The following SLC66A2 variants were observed in gnomAD, a reference collection of about 807,000 sequenced individuals.
The protein encoded by SLC66A2 is PQ loop repeat containing 1.
In SLC66A2, 23 loss-of-function variants were observed where a neutral mutation model predicts 25.5. The observed-to-expected ratio is 0.90, with a 90% CI of 0.65 to 1.28. The LOEUF (loss-of-function observed/expected upper bound fraction) is 1.28. Among genes scored for constraint, SLC66A2 ranks in the 50% most tolerant of loss-of-function variants. SLC66A2 has a pLI of 0.00. For synonymous variants in SLC66A2, 193 were observed against 166.5 expected (o/e 1.16, Z -1.23); for missense variants, 396 against 373.1 (o/e 1.06, Z -0.51).
At chr18:79,924,680 G>C (rs1184134687) in intron 4 of SLC66A2, among the ~76,000 whole-genome samples, 1 of 152,136 alleles carries the variant, frequency 6.6e-6, no homozygotes, top group Non-Finnish European at 1.5e-5. Context: ...TATGTGACTT[G>C]TCTTATACCA....
intron 4 of SLC66A2, among the ~76,000 whole-genome samples, chr18:79,928,935 T>G (rs926881025): frequency 6.6e-6 from 1 of 152,140 alleles, no homozygotes; most frequent in African/African-American, 2.4e-5. Context: ...TCACTTCCCA[T>G]GCAGCACTCA....
intron 2 of SLC66A2, among the ~76,000 whole-genome samples, chr18:79,950,385 A>T (rs2051077130): frequency 6.6e-6 from 1 of 152,048 alleles, no homozygotes; most frequent in African/African-American, 2.4e-5. Context: ...ACTATACAAC[A>T]TGAAAAAGGA....
intron 2 of SLC66A2, chr18:79,949,906 A>T (rs1293230134): frequency 1.3e-5 from 2 of 152,240 alleles, no homozygotes; most frequent in African/African-American, 4.8e-5. Context: ...GTGAGACCTC[A>T]TTTCCTCTGA....
In SLC66A2 at chr18:79,917,548, T is replaced by G. The variant is rs1014235112; in HGVS notation, c.608+1636A>C. Among the ~76,000 whole-genome samples the G allele has an allele frequency of 2.6e-5, 4 of 152,126 alleles. No individual in the cohort carries two copies. The highest frequency in any genetic ancestry group is 9.6e-5 in the African/African-American group (4 of 41,500). ...ACAGGATCTCCAGCTGTGGGGTGGC[T>G]GGGGACGCCACACTCCGCCGGACAA... On this transcript the variant is annotated intron_variant, in intron 5 of 5. Coordinates refer to ENST00000397778, the MANE Select transcript of SLC66A2 (RefSeq NM_025078.5). This position sits in a 1 kb window ranked among gnomAD's most constrained non-coding sequence, Gnocchi z 6.0.
chr18:79,924,288 G>A (rs12960918), intron 4 of SLC66A2, among the ~76,000 whole-genome samples: 3,367 of 152,240 alleles, frequency 0.022, 43 homozygotes, highest in African/African-American at 0.035. Flanking sequence ...GCAACAACAC[G>A]GATGGACCTT....
chr18:79,932,476 A>AAAGG (rs900967915), intron 4 of SLC66A2, among the ~76,000 whole-genome samples: 1 of 110,184 alleles, frequency 9.1e-6, no homozygotes, highest in Non-Finnish European at 1.9e-5. Context: ...TGTGTTAAAA[A>AAAGG]AAGAAAGAAA....
intron 2 of SLC66A2, among the ~76,000 whole-genome samples, chr18:79,949,057 C>G (rs762120521): frequency 1.3e-5 from 2 of 152,166 alleles, no homozygotes; most frequent in African/African-American, 2.4e-5. Context: ...AGAGACAAAC[C>G]TCGAGACGGG....
At position 79,949,833 on chromosome 18, in the gene SLC66A2, G is replaced by C. The variant is rs1489274709; in HGVS notation, c.203+891C>G. ...AGACACCTTCCAATCTGCCCGGACA[G>C]AGAGGCTGGGATCACCCAGAAGAAA... On this transcript the variant is annotated intron_variant, in intron 2 of 5. Coordinates refer to ENST00000397778, the MANE Select transcript of SLC66A2 (RefSeq NM_025078.5). 2.6e-5 allele frequency: 4 copies of C among 152,348 alleles called. No homozygotes were observed. The East Asian group carries it at 7.7e-4, about 29-fold the overall frequency. 9.4% of individuals were successfully genotyped at this position (152,348 alleles called of 1,614,324 possible).
At chr18:79,919,101 A>T (rs1466959926) in intron 5 of SLC66A2, 83 bp downstream of exon 5, 6 of 1,233,914 alleles carry the variant, frequency 4.9e-6, no homozygotes, top group Non-Finnish European at 7.0e-6. Context: ...AGCCAGACAC[A>T]CAGGCGTTTG....
At chr18:79,916,186 A>ACCCGCAGTGCTCCCGTACCCTCCCT (rs1984084437) in intron 5 of SLC66A2, among the ~76,000 whole-genome samples, 1 of 36,052 alleles carries the variant, frequency 2.8e-5, no homozygotes, top group African/African-American at 6.7e-5. Flanking sequence ...GTACCCTCCC[A>ACCCGCAGTGCTCCCGTACCCTCCCT]TACCCACGGT....
chr18:79,912,051 CAGT>C (rs537924387), intron 5 of SLC66A2, among the ~76,000 whole-genome samples: 2 of 100,320 alleles, frequency 2.0e-5, no homozygotes, highest in South Asian at 3.5e-4. Context: ...GGGAGGGGAA[CAGT>C]AGCAGGAGGG....
At chr18:79,938,252 T>C (rs953753800) in intron 3 of SLC66A2, among the ~76,000 whole-genome samples, 12 of 152,090 alleles carry the variant, frequency 7.9e-5, no homozygotes, top group African/African-American at 2.9e-4. Context: ...CCTACCTACT[T>C]GGTAAACGCT....
At position 79,933,887 on chromosome 18, in the gene SLC66A2, G is replaced by C. The variant is rs955978491; in HGVS notation, c.391+82C>G. The C allele has an allele frequency of 3.2e-5, 41 of 1,267,166 alleles. No homozygotes were observed. In the African/African-American group the frequency reaches 4.2e-4, roughly 13 times the overall value. The allele number at this position is 1,267,166 out of a possible 1,614,324, so 78.5% of individuals were successfully genotyped here. ...GATGACGCACGCACATGCACAGATG[G>C]AAGCAACAACAGGAGGAAGTACAGC... On this transcript the variant is annotated intron_variant, in intron 4 of 5. Transcript: ENST00000397778.
intron 5 of SLC66A2, among the ~76,000 whole-genome samples, chr18:79,905,334 G>T (rs1355666630): frequency 2.0e-5 from 3 of 152,212 alleles, no homozygotes; most frequent in Non-Finnish European, 4.4e-5. Flanking sequence ...TGCAGCTCCA[G>T]CTCCACAAAA....
chr18:79,905,867 G>A (rs1452240698), intron 5 of SLC66A2, among the ~76,000 whole-genome samples: 1 of 152,198 alleles, frequency 6.6e-6, no homozygotes, highest in African/African-American at 2.4e-5. Flanking sequence ...TGGTAACTCT[G>A]TAAACACACA....
chr18:79,943,570 G>T, intron 2 of SLC66A2, 108 bp from the exon 3 acceptor site: 1 of 1,320,290 alleles, frequency 7.6e-7, no homozygotes, highest in Non-Finnish European at 1.0e-6. Flanking sequence ...CACCCACGCC[G>T]CCCCTCCCAG....
intron 3 of SLC66A2, among the ~76,000 whole-genome samples, chr18:79,939,728 G>C (rs191950469): frequency 6.6e-6 from 1 of 150,866 alleles, no homozygotes; most frequent in East Asian, 2.0e-4. Context: ...AAAAATAACA[G>C]ATGCTGGTGG....
rs766620662 is a variant in SLC66A2 at position 79,943,352 on chromosome 18, T to A, written c.314A>T (p.Asn105Ile). 6.2e-7 allele frequency: 1 copy of A among 1,613,948 alleles called. No individual in the cohort carries two copies. Among genetic ancestry groups the A allele is most frequent in the South Asian group, 1.1e-5 (1 of 91,058 alleles). ...CTEVRVANEL[N>I]ARRRSFTAAD... ...ACCTGTAAAGGAGCGGCGCCTGGCG[T>A]TGAGCTCGTTGGCCACACGGACCTC... is the stretch of plus-strand genomic sequence containing the variant. The change falls in exon 3 of 6, where the codon AAC becomes ATC. Residue 105 changes from asparagine (N) to isoleucine (I), a missense_variant. Asn to Ile is a moderately radical substitution (Grantham distance 149). Transcript: ENST00000397778.
At chr18:79,913,259 G>GT (rs1169550492) in intron 5 of SLC66A2, among the ~76,000 whole-genome samples, 18 of 152,286 alleles carry the variant, frequency 1.2e-4, no homozygotes, top group African/African-American at 4.3e-4. Flanking sequence ...CACAGCCACG[G>GT]TGTCTGTATT....
Sources: gnomAD v4.1 joint callset for allele counts (sites outside exome capture counted in the v4.1 genomes callset) on GRCh38, gnomAD v4.1.1 for gene constraint, Gnocchi (gnomAD v3.1) non-coding constraint, MANE v1.5 for transcripts, NCBI Gene and HGNC (gene_info 2026-07-23, HGNC 2026-07-21) for gene names.